Variants in VTCN1 observed in about 807,000 individuals in gnomAD.
VTCN1 encodes V-set domain containing T cell activation inhibitor 1.
A neutral mutation model predicts 26.5 loss-of-function variants in VTCN1; 26 were observed. The observed-to-expected ratio is 0.98, with a 90% CI of 0.72 to 1.36. The LOEUF is 1.36. Among genes scored for constraint, VTCN1 ranks in the 40% most tolerant of loss-of-function variants. The pLI, the probability that VTCN1 is intolerant of heterozygous loss-of-function variation, is 0.00. For synonymous variants in VTCN1, 116 were observed against 130.7 expected, an observed-to-expected ratio of 0.89 and a Z score of 0.77; for missense variants, 298 against 337.7, an observed-to-expected ratio of 0.88 and a Z score of 0.92.
chr1:117,153,169 T>G lies in VTCN1; in HGVS notation c.646A>C (p.Asn216His), dbSNP rs1651884349. 2 of 1,614,038 alleles carry G rather than the reference T, an allele frequency of 1.2e-6. No individual in the cohort carries two copies. The highest frequency in any genetic ancestry group is 1.3e-5 in the African/African-American group (1 of 74,916). ...VTMKVVSVLY[N>H]VTINNTYSCM... The stretch of plus-strand genomic sequence containing the variant: ...GAGTATGTGTTGTTGATCGTAACAT[T>G]GTAGAGCACAGACACAACCTTCATG... Residue 216 changes from asparagine (N) to histidine (H), a missense_variant, in exon 4 of 6, where the codon AAT (asparagine) becomes CAT (histidine). Asn to His is a moderately conservative substitution (Grantham distance 68). Coordinates refer to ENST00000369458, the MANE Select transcript of VTCN1 (RefSeq NM_024626.4).
At chr1:117,185,337 A>G (rs1211807094) in intron 1 of VTCN1, among the ~76,000 whole-genome samples, 2 of 152,208 alleles carry the variant, frequency 1.3e-5, no homozygotes, top group Admixed American at 1.3e-4. Flanking sequence ...TTTTTCTACT[A>G]CTTCATGGAA....
chr1:117,202,652 A>G (rs1432856918), intron 1 of VTCN1, among the ~76,000 whole-genome samples: 1 of 152,220 alleles, frequency 6.6e-6, no homozygotes, highest in African/African-American at 2.4e-5. Flanking sequence ...CAATCTTATG[A>G]TGTAGATTCT....
At chr1:117,160,349 T>G (rs867738867) in intron 2 of VTCN1, among the ~76,000 whole-genome samples, 14 of 152,238 alleles carry the variant, frequency 9.2e-5, no homozygotes, top group African/African-American at 2.9e-4. Flanking sequence ...TCCTGAGCAC[T>G]TCCTAACTGG....
chr1:117,203,843 C>T, intron 1 of VTCN1: 2 of 943,366 alleles, frequency 2.1e-6, no homozygotes, highest in Non-Finnish European at 1.3e-6. Flanking sequence ...CCAGGCCCTG[C>T]CCCCAGAATT....
rs373253173 is a variant in VTCN1, at chr1:117,197,935, G to T, written c.32+12889C>A. ...CATTTCCATCATGAGAAAGCAAAAG[G>T]CTTGTTTGTATGCCTGCTGGTAACT... is the stretch of plus-strand genomic sequence containing the variant. On this transcript the variant is annotated intron_variant, in intron 1 of 5. Coordinates refer to ENST00000369458, the MANE Select transcript of VTCN1 (RefSeq NM_024626.4). 9.2e-5 allele frequency among the ~76,000 whole-genome samples: 14 copies of T among 152,240 alleles called. No individual in the cohort carries two copies. In the East Asian group the frequency reaches 1.9e-3, roughly 21 times the overall value.
intron 1 of VTCN1, among the ~76,000 whole-genome samples, chr1:117,174,750 G>A (rs1285661454): frequency 6.6e-6 from 1 of 152,006 alleles, no homozygotes; most frequent in Non-Finnish European, 1.5e-5. Context: ...TTAAACCCAG[G>A]GGAAACAGAG....
intron 1 of VTCN1, among the ~76,000 whole-genome samples, chr1:117,191,675 G>A (rs139430524): frequency 0.093 from 14,149 of 152,172 alleles, 849 homozygotes; most frequent in Non-Finnish European, 0.14. Context: ...CCAGCTACTC[G>A]GGAGGCTGAG....
chr1:117,166,149 G>T (rs78516711), intron 2 of VTCN1, among the ~76,000 whole-genome samples: 1 of 152,136 alleles, frequency 6.6e-6, no homozygotes, highest in Non-Finnish European at 1.5e-5. Context: ...AAGCACTTAC[G>T]GAGCACCCTG....
intron 4 of VTCN1, among the ~76,000 whole-genome samples, chr1:117,149,199 A>G (rs989808466): frequency 1.3e-4 from 20 of 152,108 alleles, no homozygotes; most frequent in Middle Eastern, 3.4e-3. Context: ...AGCACTGGGC[A>G]TCTCTACCTG....
intron 2 of VTCN1, among the ~76,000 whole-genome samples, chr1:117,168,412 G>C (rs550138214): frequency 3.3e-5 from 5 of 152,290 alleles, no homozygotes; most frequent in South Asian, 4.1e-4. Flanking sequence ...AAATTAACTT[G>C]AGATGGTTTG....
intron 1 of VTCN1, chr1:117,172,379 A>G (rs776994172): frequency 1.9e-6 from 1 of 518,762 alleles, no homozygotes. Context: ...AAGGGAGACC[A>G]TATTTGGCCA....
At chr1:117,188,083 C>A (rs551878718) in intron 1 of VTCN1, among the ~76,000 whole-genome samples, 36 of 152,108 alleles carry the variant, frequency 2.4e-4, no homozygotes, top group Admixed American at 3.9e-4. Context: ...TCCTCCTCCC[C>A]CTCTCTAACA....
chr1:117,156,536 T>C, intron 3 of VTCN1, 38 bp downstream of exon 3: 3 of 1,513,880 alleles, frequency 2.0e-6, no homozygotes, highest in Non-Finnish European at 2.6e-6. Flanking sequence ...TCAAATACTT[T>C]TGGTGCTTTA....
chr1:117,204,236 TCTTTA>T (rs1440200057), intron 1 of VTCN1, among the ~76,000 whole-genome samples: 14 of 152,326 alleles, frequency 9.2e-5, no homozygotes, highest in African/African-American at 3.1e-4. Context: ...TGCTCTGAGC[TCTTTA>T]CTTTATTAAC....
chr1:117,189,721 G>A (rs945291333), intron 1 of VTCN1, among the ~76,000 whole-genome samples: 1 of 152,190 alleles, frequency 6.6e-6, no homozygotes, highest in African/African-American at 2.4e-5. Flanking sequence ...CTTACTGGAA[G>A]TAGAGTTGGG....
At chr1:117,193,790 T>C (rs369964719) in intron 1 of VTCN1, among the ~76,000 whole-genome samples, 1 of 152,062 alleles carries the variant, frequency 6.6e-6, no homozygotes. Flanking sequence ...GCAGCAGCAA[T>C]AAATGGTACT....
At chr1:117,150,515 A>G (rs889601887) in intron 4 of VTCN1, among the ~76,000 whole-genome samples, 4 of 152,196 alleles carry the variant, frequency 2.6e-5, no homozygotes, top group Admixed American at 2.6e-4. Flanking sequence ...TTTCTGTTAC[A>G]GGCAACTAAT....
At chr1:117,209,879 G>C (rs780939575) in intron 1 of VTCN1, among the ~76,000 whole-genome samples, 20 of 152,214 alleles carry the variant, frequency 1.3e-4, no homozygotes, top group Non-Finnish European at 2.5e-4. Flanking sequence ...TACTCTCGTA[G>C]TCTCTTCACA....
intron 1 of VTCN1, among the ~76,000 whole-genome samples, chr1:117,177,762 A>C (rs1384968864): frequency 6.6e-6 from 1 of 151,892 alleles, no homozygotes; most frequent in Non-Finnish European, 1.5e-5. Flanking sequence ...CAACACTGTA[A>C]AACTAGGGTA....
Sources: gnomAD v4.1 joint callset for allele counts (sites outside exome capture counted in the v4.1 genomes callset) on GRCh38, gnomAD v4.1.1 for gene constraint, MANE v1.5 for transcripts, NCBI Gene and HGNC (gene_info 2026-07-23, HGNC 2026-07-21) for gene names.